Variants in SLC2A7 observed in about 807,000 individuals in gnomAD.
SLC2A7 encodes the protein solute carrier family 2, facilitated glucose transporter member 7.
In SLC2A7, 50 loss-of-function variants were observed where a neutral mutation model predicts 50.5. The ratio of observed to expected loss-of-function variants is 0.99; its 90% CI spans 0.79 to 1.25. The LOEUF (loss-of-function observed/expected upper bound fraction) is 1.25, where lower values mean the gene tolerates loss of function less well. Among genes scored for constraint, SLC2A7 ranks in the 50% most tolerant of loss-of-function variants. SLC2A7 has a pLI of 0.00. For missense variants in SLC2A7, 683 were observed against 679.1 expected, an observed-to-expected ratio of 1.01 and a Z score of -0.06; for synonymous variants, 308 against 300.4, an observed-to-expected ratio of 1.03 and a Z score of -0.26.
chr1:9,003,329 C>A lies in SLC2A7; in HGVS notation c.1510G>T (p.Ala504Ser). 1.2e-6 allele frequency: 2 copies of A among 1,614,224 alleles called. No homozygotes were observed. Among genetic ancestry groups the A allele is most frequent in the South Asian group, 1.1e-5 (1 of 91,086 alleles). ...EETIDAGPPT[A>S]SPAKETSF ...AAGGAAGTTTCCTTGGCAGGAGAGGCTGTGGGAGGCCCAGCATCAATGGTT... is the reference window on the plus strand; with the variant it reads ...AAGGAAGTTTCCTTGGCAGGAGAGGATGTGGGAGGCCCAGCATCAATGGTT... Residue 504 changes from alanine to serine, a missense_variant, in exon 12 of 12, where the codon GCC becomes TCC. By Grantham distance (99) the Ala-to-Ser change is moderately conservative. Coordinates refer to ENST00000400906, the MANE Select transcript of SLC2A7 (RefSeq NM_207420.3).
chr1:9,021,782 A>G (rs902361278), intron 3 of SLC2A7, among the ~76,000 whole-genome samples: 3 of 152,136 alleles, frequency 2.0e-5, no homozygotes, highest in African/African-American at 7.2e-5. Flanking sequence ...GATGACTATA[A>G]GGGGAGGCTG....
In SLC2A7 at chr1:9,025,063, C is replaced by A; in HGVS notation, c.63G>T (p.Pro21=). ...PIPSREGRLQ[P]TLLLATLSAA... ...CGCTCAGTGTCGCCAGCAACAGCGT[C>A]GGCTGGAGCCGCTGTAGGAGACAAG... is the stretch of plus-strand genomic sequence containing the variant. The change falls in exon 2 of 12, where the codon CCG becomes CCT. Residue 21 remains proline (P), a synonymous_variant. Transcript: ENST00000400906. 6.2e-7 allele frequency: 1 copy of A among 1,612,400 alleles called. No homozygotes were observed. The highest frequency in any genetic ancestry group is 8.5e-7 in the Non-Finnish European group (1 of 1,179,782).
chr1:9,007,334 T>C lies in SLC2A7; in HGVS notation c.1168A>G (p.Ile390Val), dbSNP rs1247203487. 1.9e-6 allele frequency: 3 copies of C among 1,614,046 alleles called. No individual in the cohort carries two copies. The highest frequency in any genetic ancestry group is 1.7e-6 in the Non-Finnish European group (2 of 1,180,018). Residue 390 changes from isoleucine (I) to valine (V), a missense_variant, in exon 10 of 12, where the codon ATC becomes GTC. Physicochemically the swap from Ile to Val is conservative, Grantham distance 29. Coordinates refer to ENST00000400906, the MANE Select transcript of SLC2A7 (RefSeq NM_207420.3). ...YLGIICVFAYIAGHSIGPSPV... is the reference protein window; with the variant it reads ...YLGIICVFAYVAGHSIGPSPV... ...CTGGGCCCAATGGAATGTCCCGCGA[T>C]GTAGGCAAAGACACAGATGATGCCG...
chr1:9,026,284 T>C lies in SLC2A7; in HGVS notation c.51+11A>G, dbSNP rs1640999930. 1 of 1,608,724 alleles carries C rather than the reference T, an allele frequency of 6.2e-7. No individual in the cohort carries two copies. The highest frequency in any genetic ancestry group is 1.1e-5 in the South Asian group (1 of 89,774). ...GAGGGACAGTGACAGGTTCCTAGTC[T>C]TGGCACTTACCCCCTCCCTGGATGG... On this transcript the variant is annotated intron_variant, in intron 1 of 11. Coordinates refer to ENST00000400906, the MANE Select transcript of SLC2A7 (RefSeq NM_207420.3).
intron 10 of SLC2A7, among the ~76,000 whole-genome samples, chr1:9,006,470 A>G (rs1318264847): frequency 2.0e-5 from 3 of 148,158 alleles, no homozygotes; most frequent in Non-Finnish European, 4.5e-5. Flanking sequence ...CTGGTCTCGA[A>G]CTTCTGACCT....
chr1:9,019,818 G>A (rs971655924), intron 3 of SLC2A7, among the ~76,000 whole-genome samples: 2 of 152,152 alleles, frequency 1.3e-5, no homozygotes, highest in Non-Finnish European at 2.9e-5. Context: ...CAGCTACTCG[G>A]GAGGCTGAGG....
chr1:9,021,803 G>A (rs1000624264), intron 3 of SLC2A7, among the ~76,000 whole-genome samples: 2 of 152,122 alleles, frequency 1.3e-5, no homozygotes, highest in African/African-American at 4.8e-5. Flanking sequence ...GGGCTGTCAG[G>A]ACCCCACTGG....
intron 4 of SLC2A7, 58 bp downstream of exon 4, chr1:9,019,151 A>G: frequency 1.9e-6 from 3 of 1,574,910 alleles, no homozygotes; most frequent in African/African-American, 2.7e-5. Context: ...TCCTGCTTCC[A>G]GCCTTGGCCA....
At position 9,016,803 on chromosome 1, in the gene SLC2A7, GTCCATCC is replaced by G. The variant is rs200747347; in HGVS notation, c.589+1413_589+1419del. 5.6e-3 allele frequency among the ~76,000 whole-genome samples: 857 copies of G among 152,010 alleles called. 11 individuals carry two copies. The highest frequency in any genetic ancestry group is 0.02 in the African/African-American group (817 of 41,450). On this transcript the variant is annotated intron_variant, in intron 5 of 11. Coordinates refer to ENST00000400906, the MANE Select transcript of SLC2A7 (RefSeq NM_207420.3). Reference sequence around the variant, plus strand: ...CGCATTCATTCAGGCCCGCCTGGTGGTCCATCCTCTTATCCTCTTTCCCTCCACCCTC... The same window carrying G: ...CGCATTCATTCAGGCCCGCCTGGTGGTCTTATCCTCTTTCCCTCCACCCTC...
chr1:8,996,187 AG>A, the SLC2A7 span, among the ~76,000 whole-genome samples: 1 of 152,092 alleles, frequency 6.6e-6, no homozygotes, highest in Non-Finnish European at 1.5e-5. Flanking sequence ...TGCCCCCAAA[AG>A]TTTCCCCAGC....
chr1:8,995,820 T>G, the SLC2A7 span, among the ~76,000 whole-genome samples: 1 of 152,146 alleles, frequency 6.6e-6, no homozygotes, highest in Non-Finnish European at 1.5e-5. Flanking sequence ...CAGGCTGGAG[T>G]GCAGGGGTGT....
chr1:9,009,496 C>T (rs11121290), intron 9 of SLC2A7, among the ~76,000 whole-genome samples: 78,570 of 152,076 alleles, frequency 0.52, 22,495 homozygotes, highest in African/African-American at 0.77. Flanking sequence ...TCTCACTGTC[C>T]CCCAGGCTGG....
intron 11 of SLC2A7, 130 bp downstream of exon 11, chr1:9,004,622 G>C: frequency 1.7e-6 from 2 of 1,175,224 alleles, no homozygotes; most frequent in South Asian, 1.4e-5. Context: ...ACGTGTGTCT[G>C]TGGACCCTTG....
intron 11 of SLC2A7, among the ~76,000 whole-genome samples, chr1:9,003,925 T>C (rs1289348844): frequency 6.6e-6 from 1 of 151,656 alleles, no homozygotes; most frequent in African/African-American, 2.4e-5. Context: ...GAGGCCTTTG[T>C]GAGTCCATAA....
the SLC2A7 span, among the ~76,000 whole-genome samples, chr1:8,997,327 TAAAC>T: frequency 5.3e-5 from 8 of 152,118 alleles, no homozygotes; most frequent in East Asian, 3.9e-4. Flanking sequence ...AACAAACAAA[TAAAC>T]AAACAAAACA....
In SLC2A7 at chr1:9,015,104, G is replaced by C. The variant is rs748792647; in HGVS notation, c.715+13C>G. 4 of 1,612,540 alleles carry C rather than the reference G, an allele frequency of 2.5e-6. No individual in the cohort carries two copies. Among genetic ancestry groups the C allele is most frequent in the Non-Finnish European group, 3.4e-6 (4 of 1,179,594 alleles). On this transcript the variant is annotated intron_variant, in intron 6 of 11. Transcript: ENST00000400906. ...GTGGGCAGGGCCTGGGAGAGTAGCC[G>C]GCGACTTCATACCTTGTCGCGCTGT...
intron 3 of SLC2A7, among the ~76,000 whole-genome samples, chr1:9,021,909 A>G (rs1640917781): frequency 1.3e-5 from 2 of 152,168 alleles, no homozygotes; most frequent in African/African-American, 2.4e-5. Flanking sequence ...CTTCCAGAAC[A>G]GTCCAAACAC....
At chr1:9,013,087 T>C (rs1259505609) in intron 8 of SLC2A7, among the ~76,000 whole-genome samples, 1 of 152,206 alleles carries the variant, frequency 6.6e-6, no homozygotes, top group Non-Finnish European at 1.5e-5. Flanking sequence ...AGATGGGGTT[T>C]CACCATGTTG....
downstream of SLC2A7, among the ~76,000 whole-genome samples, chr1:8,998,005 T>C (rs1640530545): frequency 6.6e-6 from 1 of 152,198 alleles, no homozygotes; most frequent in African/African-American, 2.4e-5. Context: ...GTATATACGA[T>C]GTGAGGTAGG....
Sources: allele counts gnomAD v4.1 joint callset (sites outside exome capture counted in the v4.1 genomes callset), GRCh38; gene constraint gnomAD v4.1.1; transcripts MANE v1.5; gene names NCBI Gene and HGNC (gene_info 2026-07-23, HGNC 2026-07-21).